Variants in MAP7 observed in about 807,000 individuals in gnomAD.
The protein encoded by MAP7 is microtubule associated protein 7, also known as ensconsin.
A neutral mutation model predicts 94.8 loss-of-function variants in MAP7; 52 were observed. The observed-to-expected ratio is 0.55, with a 90% CI of 0.44 to 0.69. The LOEUF is 0.69. MAP7 is among the 30% of genes least tolerant of loss of function. The pLI is 0.00. For missense variants in MAP7, 940 were observed against 964.6 expected, an observed-to-expected ratio of 0.97 and a Z score of 0.34; for synonymous variants, 350 against 357.0, an observed-to-expected ratio of 0.98 and a Z score of 0.22.
At chr6:136,488,037 T>C (rs971137260) in intron 1 of MAP7, among the ~76,000 whole-genome samples, 1 of 152,236 alleles carries the variant, frequency 6.6e-6, no homozygotes, top group African/African-American at 2.4e-5. Flanking sequence ...TATGTTCATA[T>C]TTAGCTAATT....
chr6:136,405,307 T>C (rs577500411), intron 3 of MAP7, among the ~76,000 whole-genome samples: 32 of 152,314 alleles, frequency 2.1e-4, no homozygotes, highest in South Asian at 4.1e-4. Flanking sequence ...TGCTTAGATG[T>C]TGACAGAGCT....
chr6:136,355,776 C>T (rs1046619500), intron 16 of MAP7, among the ~76,000 whole-genome samples: 2 of 152,164 alleles, frequency 1.3e-5, no homozygotes, highest in African/African-American at 2.4e-5. Context: ...AAAGTCATAG[C>T]TAAATTTTTT....
At chr6:136,522,776 A>G (rs1328418904) in intron 1 of MAP7, among the ~76,000 whole-genome samples, 1 of 152,232 alleles carries the variant, frequency 6.6e-6, no homozygotes, top group Non-Finnish European at 1.5e-5. Flanking sequence ...TCACGCCTGT[A>G]ATCCCAGCCC....
At chr6:136,512,769 T>C (rs897911271) in intron 1 of MAP7, among the ~76,000 whole-genome samples, 1 of 152,112 alleles carries the variant, frequency 6.6e-6, no homozygotes, top group East Asian at 1.9e-4. Flanking sequence ...CTTGCTTCCA[T>C]GTTGATGGCT....
chr6:136,368,701 G>T (rs1400729264), intron 8 of MAP7, among the ~76,000 whole-genome samples: 1 of 152,104 alleles, frequency 6.6e-6, no homozygotes, highest in Non-Finnish European at 1.5e-5. Flanking sequence ...AACAAAGGAG[G>T]CTAAAGATCT....
chr6:136,374,525 A>T lies in MAP7; in HGVS notation c.752-1900T>A, dbSNP rs75775829. ...AACCCTAGAAAACAGCTCTGCTTGG[A>T]GGCCATGGGTCTGACACTGAAAAAG... On this transcript the variant is annotated intron_variant, in intron 7 of 17. Transcript: ENST00000354570. 7.2e-5 allele frequency among the ~76,000 whole-genome samples: 11 copies of T among 152,314 alleles called. No individual in the cohort carries two copies. The East Asian group carries it at 2.1e-3, about 29-fold the overall frequency.
intron 1 of MAP7, among the ~76,000 whole-genome samples, chr6:136,517,804 T>C (rs1005835313): frequency 3.3e-5 from 5 of 152,206 alleles, no homozygotes. Context: ...ACTTTCCTAG[T>C]ATCCTGTTTT....
intron 1 of MAP7, among the ~76,000 whole-genome samples, chr6:136,480,641 C>CAAAAAAAAAAAAAA (rs769951186): frequency 2.0e-4 from 4 of 20,158 alleles, no homozygotes; most frequent in African/African-American, 4.6e-4. Context: ...GACTCTGCCT[C>CAAAAAAAAAAAAAA]AAAAAAAAAA....
At chr6:136,378,757 A>G (rs1381612076) in intron 6 of MAP7, among the ~76,000 whole-genome samples, 1 of 152,238 alleles carries the variant, frequency 6.6e-6, no homozygotes, top group African/African-American at 2.4e-5. Context: ...TTATATGGTT[A>G]GTTTCCAGTG....
intron 3 of MAP7, among the ~76,000 whole-genome samples, chr6:136,393,091 C>G (rs1781242641): frequency 6.6e-6 from 1 of 152,124 alleles, no homozygotes; most frequent in South Asian, 2.1e-4. Flanking sequence ...ATACGTGGCT[C>G]TATTTCTTCA....
At position 136,480,662 on chromosome 6, in the gene MAP7, A is replaced by G. The variant is rs866216783; in HGVS notation, c.68-58863T>C. Among the ~76,000 whole-genome samples the G allele has an allele frequency of 4.9e-3, 744 of 150,350 alleles. 2 individuals carry two copies. Among genetic ancestry groups the G allele is most frequent in the East Asian group, 0.024 (121 of 5,102 alleles). On this transcript the variant is annotated intron_variant, in intron 1 of 17. Transcript: ENST00000354570. Reference sequence around the variant, plus strand: ...GCCTCAAAAAAAAAAAAAAAAAAAAAAAAAAAAGAAAAGAAAACGTTGGGG... The same window carrying G: ...GCCTCAAAAAAAAAAAAAAAAAAAAGAAAAAAAGAAAAGAAAACGTTGGGG...
intron 2 of MAP7, among the ~76,000 whole-genome samples, chr6:136,418,442 T>C (rs984412258): frequency 2.0e-5 from 3 of 152,178 alleles, no homozygotes; most frequent in African/African-American, 7.2e-5. Flanking sequence ...CTCGAACTCC[T>C]GGCCTCAGGA....
chr6:136,474,611 G>A (rs892615503), intron 1 of MAP7, among the ~76,000 whole-genome samples: 1 of 152,064 alleles, frequency 6.6e-6, no homozygotes, highest in Non-Finnish European at 1.5e-5. Flanking sequence ...GCATCAAAAA[G>A]GTAAAATCTG....
At chr6:136,435,096 C>A (rs927049323) in intron 1 of MAP7, among the ~76,000 whole-genome samples, 5 of 152,206 alleles carry the variant, frequency 3.3e-5, no homozygotes, top group African/African-American at 7.2e-5. Flanking sequence ...TTTTAGAATG[C>A]ATTTTATGTG....
rs73569848 is a variant in MAP7 at position 136,515,825 on chromosome 6, T to C, written c.67+34517A>G. On this transcript the variant is annotated intron_variant, in intron 1 of 17. Coordinates refer to ENST00000354570, the MANE Select transcript of MAP7 (RefSeq NM_003980.6). ...TTTGAAATATTGCAAGAATTACCAA[T>C]ATGTGATGCAGAGATGAGAAGTAGG... 5.6e-3 allele frequency among the ~76,000 whole-genome samples: 858 copies of C among 152,224 alleles called. 4 individuals are homozygous for C. Among genetic ancestry groups the C allele is most frequent in the East Asian group, 0.039 (204 of 5,180 alleles).
At chr6:136,500,222 G>A (rs1819458104) in intron 1 of MAP7, among the ~76,000 whole-genome samples, 1 of 152,144 alleles carries the variant, frequency 6.6e-6, no homozygotes, top group African/African-American at 2.4e-5. Flanking sequence ...CTGGCACATA[G>A]CAAGTGTTCA....
chr6:136,486,078 G>A (rs1396229445), intron 1 of MAP7, among the ~76,000 whole-genome samples: 2 of 152,132 alleles, frequency 1.3e-5, no homozygotes, highest in Non-Finnish European at 2.9e-5. Context: ...ACTGTTGTAA[G>A]AACAAGTGCA....
At chr6:136,442,573 T>C (rs552472215) in intron 1 of MAP7, among the ~76,000 whole-genome samples, 210 of 152,316 alleles carry the variant, frequency 1.4e-3, no homozygotes, top group Non-Finnish European at 2.3e-3. Context: ...GCTGCAATCC[T>C]GAGGCATTAG....
At chr6:136,478,469 A>T (rs1436823052) in intron 1 of MAP7, among the ~76,000 whole-genome samples, 1 of 152,052 alleles carries the variant, frequency 6.6e-6, no homozygotes, top group African/African-American at 2.4e-5. Flanking sequence ...ACAAAAAGAG[A>T]AACATAACTT....
Sources: gnomAD v4.1 joint callset for allele counts (sites outside exome capture counted in the v4.1 genomes callset) on GRCh38, gnomAD v4.1.1 for gene constraint, MANE v1.5 for transcripts, NCBI Gene and HGNC (gene_info 2026-07-23, HGNC 2026-07-21) for gene names.